ZNF860: variants seen among roughly 807,000 people sequenced by gnomAD.
ZNF860 encodes zinc finger protein 860.
For missense variants in ZNF860, 641 were observed against 759.2 expected, an observed-to-expected ratio of 0.84 and a Z score of 1.83; for synonymous variants, 206 against 248.9, an observed-to-expected ratio of 0.83 and a Z score of 1.62.
chr3:31,984,530 G>A (rs905886185), intron 1 of ZNF860, among the ~76,000 whole-genome samples: 3 of 152,114 alleles, frequency 2.0e-5, no homozygotes, highest in Non-Finnish European at 2.9e-5. Context: ...CAACTGGTCC[G>A]TCAGAATGCA....
downstream of ZNF860, among the ~76,000 whole-genome samples, chr3:31,993,644 A>ATACT (rs1310999317): frequency 6.6e-6 from 1 of 151,826 alleles, no homozygotes; most frequent in East Asian, 1.9e-4. Flanking sequence ...CTACAATGAG[A>ATACT]TACTACTACA....
chr3:31,983,630 G>C (rs1428212450), intron 1 of ZNF860, among the ~76,000 whole-genome samples: 1 of 152,202 alleles, frequency 6.6e-6, no homozygotes, highest in African/African-American at 2.4e-5. Context: ...AGCACATGCT[G>C]TTCCTCCTGC....
chr3:31,988,873 C>A lies in ZNF860; in HGVS notation c.-207C>A. On this transcript the variant is annotated 5_prime_UTR_variant, in exon 2 of 2. Coordinates refer to ENST00000360311, the MANE Select transcript of ZNF860 (RefSeq NM_001137674.3). ...GCAGCCATGACCCACAGCTTGACTA[C>A]AACCCAGAGAGACACTGAGCCAGGA... is the stretch of plus-strand genomic sequence containing the variant. 3.1e-6 allele frequency: 2 copies of A among 635,812 alleles called. No homozygotes were observed. Among genetic ancestry groups the A allele is most frequent in the Non-Finnish European group, 5.4e-6 (2 of 372,374 alleles). The allele number at this position is 635,812 out of a possible 1,614,324, so 39.4% of individuals were successfully genotyped here.
rs369416472 is a variant in ZNF860, at chr3:31,984,026, TTTTTTGTTTTTG to T, written c.-421+2141_-421+2152del. Reference sequence around the variant, plus strand: ...CTGAAAATTCAGAGCCTAAGGGGTTTTTTTTGTTTTTGTTTTTGTTTTTGTTTTGAGACTGGA... The same window carrying T: ...CTGAAAATTCAGAGCCTAAGGGGTTTTTTTTGTTTTTGTTTTGAGACTGGA... On this transcript the variant is annotated intron_variant, in intron 1 of 1. Transcript: ENST00000360311. Among the ~76,000 whole-genome samples the T allele has an allele frequency of 6.0e-3, 909 of 151,916 alleles. 2 individuals carry two copies. The highest frequency in any genetic ancestry group is 0.01 in the Non-Finnish European group (700 of 67,944).
chr3:31,999,359 C>CTT, the ZNF860 span, among the ~76,000 whole-genome samples: 5,577 of 125,776 alleles, frequency 0.044, 575 homozygotes, highest in African/African-American at 0.16. Flanking sequence ...ATATCAAAAT[C>CTT]TTTTTTTTTT....
chr3:31,992,306 G>C (rs1699042014), downstream of ZNF860, among the ~76,000 whole-genome samples: 1 of 152,076 alleles, frequency 6.6e-6, no homozygotes, highest in Admixed American at 6.6e-5. Flanking sequence ...TTTTGTATTG[G>C]TTTCCTATTG....
In ZNF860 at chr3:31,990,431, A is replaced by T. The variant is rs1699012094; in HGVS notation, c.1352A>T (p.Glu451Val). Reference sequence around the variant, plus strand: ...GTTCATTGGCGAACTCATACTGGAGAGAAACCTTACAAGTGTAATGAGTGT... The same window carrying T: ...GTTCATTGGCGAACTCATACTGGAGTGAAACCTTACAAGTGTAATGAGTGT... The part of the protein sequence containing the change: ...LVVHWRTHTG[E>V]KPYKCNECGK... Residue 451 changes from glutamate (E) to valine (V), a missense_variant, in exon 2 of 2, where the codon GAG (glutamate) becomes GTG (valine). Glu to Val is a moderately radical substitution (Grantham distance 121). Transcript: ENST00000360311. 1.9e-6 allele frequency: 3 copies of T among 1,599,460 alleles called. No individual in the cohort carries two copies. Among genetic ancestry groups the T allele is most frequent in the Non-Finnish European group, 1.7e-6 (2 of 1,177,974 alleles).
At chr3:31,998,604 A>G in the ZNF860 span, among the ~76,000 whole-genome samples, 1 of 152,220 alleles carries the variant, frequency 6.6e-6, no homozygotes, top group African/African-American at 2.4e-5. Context: ...TCTTTTTCAA[A>G]TAATTTGATG....
chr3:31,990,418 A>G lies in ZNF860; in HGVS notation c.1339A>G (p.Thr447Ala). The G allele has an allele frequency of 6.2e-7, 1 of 1,613,534 alleles. No individual in the cohort carries two copies. Among genetic ancestry groups the G allele is most frequent in the Non-Finnish European group, 8.5e-7 (1 of 1,179,934 alleles). Reference sequence around the variant, plus strand: ...TTCATATCTCGTAGTTCATTGGCGAACTCATACTGGAGAGAAACCTTACAA... The same window carrying G: ...TTCATATCTCGTAGTTCATTGGCGAGCTCATACTGGAGAGAAACCTTACAA... ...RRSYLVVHWR[T>A]HTGEKPYKCN... The change falls in exon 2 of 2, where the codon ACT becomes GCT. Residue 447 changes from threonine (T) to alanine (A), a missense_variant. Thr to Ala is a moderately conservative substitution (Grantham distance 58). Transcript: ENST00000360311.
In ZNF860 at chr3:31,989,851, T is replaced by C. The variant is rs770186620; in HGVS notation, c.772T>C (p.Tyr258His). 6.2e-7 allele frequency: 1 copy of C among 1,614,020 alleles called. No individual in the cohort carries two copies. The highest frequency in any genetic ancestry group is 8.5e-7 in the Non-Finnish European group (1 of 1,180,030). ...GATAATCTATTTAGGAGGGAAACAA[T>C]ATAAATGTGATGTATGTGGCAAGGT... ...HQIIYLGGKQ[Y>H]KCDVCGKVFN... The change falls in exon 2 of 2, where the codon TAT (tyrosine) becomes CAT (histidine). Residue 258 changes from tyrosine (Y) to histidine (H), a missense_variant. Coordinates refer to ENST00000360311, the MANE Select transcript of ZNF860 (RefSeq NM_001137674.3).
the ZNF860 span, among the ~76,000 whole-genome samples, chr3:32,000,430 G>A: frequency 5.3e-5 from 8 of 152,086 alleles, no homozygotes; most frequent in Non-Finnish European, 1.0e-4. Context: ...TCTCCTTAAC[G>A]GTCATATGAA....
downstream of ZNF860, among the ~76,000 whole-genome samples, chr3:31,992,103 C>G (rs11711041): frequency 0.35 from 52,808 of 149,414 alleles, 12,921 homozygotes; most frequent in African/African-American, 0.69. Flanking sequence ...CCAGGATCGC[C>G]CCACTGCACT....
chr3:31,999,783 G>A, the ZNF860 span, among the ~76,000 whole-genome samples: 1 of 152,098 alleles, frequency 6.6e-6, no homozygotes, highest in Non-Finnish European at 1.5e-5. Flanking sequence ...CCCACAGCCC[G>A]GTGAAATGAG....
At chr3:31,983,768 C>A (rs1022709469) in intron 1 of ZNF860, among the ~76,000 whole-genome samples, 1 of 152,154 alleles carries the variant, frequency 6.6e-6, no homozygotes, top group South Asian at 2.1e-4. Context: ...GGAAAAGGTA[C>A]CTGCAGAATT....
chr3:32,005,348 T>G, the ZNF860 span, among the ~76,000 whole-genome samples: 1 of 152,132 alleles, frequency 6.6e-6, no homozygotes, highest in African/African-American at 2.4e-5. Context: ...GTATTATCCA[T>G]TCCCTGAGCA....
chr3:31,983,257 G>T (rs1698885146), intron 1 of ZNF860, among the ~76,000 whole-genome samples: 1 of 152,176 alleles, frequency 6.6e-6, no homozygotes, highest in African/African-American at 2.4e-5. Context: ...GGTGCATACT[G>T]GACTATAAAT....
chr3:31,993,164 C>CTTATTTTATTTTATTTTATTTTATT (rs143583788), downstream of ZNF860, among the ~76,000 whole-genome samples: 15 of 129,032 alleles, frequency 1.2e-4, no homozygotes, highest in Non-Finnish European at 2.1e-4. Context: ...GTAAGAAAAC[C>CTTATTTTATTTTATTTTATTTTATT]TTATTTTATT....
chr3:31,983,080 A>T (rs1698881503), intron 1 of ZNF860, among the ~76,000 whole-genome samples: 1 of 152,218 alleles, frequency 6.6e-6, no homozygotes, highest in Non-Finnish European at 1.5e-5. Context: ...GCAGATCCTA[A>T]GCCAGTTAGT....
intron 1 of ZNF860, among the ~76,000 whole-genome samples, chr3:31,984,748 G>A (rs1006031515): frequency 6.6e-6 from 1 of 152,186 alleles, no homozygotes; most frequent in Non-Finnish European, 1.5e-5. Flanking sequence ...TTCAAACAAG[G>A]AGGGAATAGT....
Sources: allele counts gnomAD v4.1 joint callset (sites outside exome capture counted in the v4.1 genomes callset), GRCh38; gene constraint gnomAD v4.1.1; transcripts MANE v1.5; gene names NCBI Gene and HGNC (gene_info 2026-07-23, HGNC 2026-07-21).